LMF1: variants seen among roughly 807,000 people sequenced by gnomAD.
LMF1 encodes lipase maturation factor 1, also known as transmembrane protein 112.
Under a neutral mutation model 60.6 loss-of-function variants are expected in LMF1, and 68 were observed. The observed-to-expected ratio is 1.12, with a 90% confidence interval of 0.92 to 1.37. The LOEUF (loss-of-function observed/expected upper bound fraction) is 1.37. LMF1 is among the 40% of genes most tolerant of loss of function. The pLI, the probability that LMF1 is intolerant of heterozygous loss-of-function variation, is 0.00. For synonymous variants in LMF1, 418 were observed against 324.7 expected, an observed-to-expected ratio of 1.29 and a Z score of -3.09; for missense variants, 948 against 767.2, an observed-to-expected ratio of 1.24 and a Z score of -2.78.
chr16:867,899 CTCCCA>C (rs902069369), intron 10 of LMF1, among the ~76,000 whole-genome samples: 3 of 152,202 alleles, frequency 2.0e-5, no homozygotes, highest in African/African-American at 7.2e-5. Flanking sequence ...CTCGGCGCCC[CTCCCA>C]TCCCCGCCCT....
At chr16:900,714 TGTGTGTG>T (rs2070787178) in intron 4 of LMF1, 1 of 151,210 alleles carries the variant, frequency 6.6e-6, no homozygotes, top group Non-Finnish European at 1.5e-5. Flanking sequence ...TGTGTGTGTG[TGTGTGTG>T]TGTGTGTGTG....
chr16:942,655 C>G (rs577417291), intron 2 of LMF1, among the ~76,000 whole-genome samples: 84 of 139,228 alleles, frequency 6.0e-4, no homozygotes, highest in Non-Finnish European at 1.0e-3. Context: ...TATGTTAGAC[C>G]ACCTGGTGCT....
chr16:940,268 G>A (rs1242444511), intron 2 of LMF1, among the ~76,000 whole-genome samples: 11 of 152,180 alleles, frequency 7.2e-5, no homozygotes, highest in Admixed American at 6.5e-4. Flanking sequence ...AGTGTTTCTT[G>A]TTTGAAGCCT....
intron 2 of LMF1, among the ~76,000 whole-genome samples, chr16:951,969 G>A (rs1188760198): frequency 1.3e-5 from 2 of 152,200 alleles, no homozygotes; most frequent in East Asian, 1.9e-4. Context: ...CATTGCACGT[G>A]GCCCCAGGCC....
At chr16:954,801 C>G (rs2072630580) in intron 1 of LMF1, 135 bp from the exon 2 acceptor site, 4 of 772,972 alleles carry the variant, frequency 5.2e-6, no homozygotes, top group African/African-American at 1.8e-5. Flanking sequence ...GGGCCAAACC[C>G]TAGACTCAGG....
intron 3 of LMF1, chr16:933,906 C>T (rs932604895): frequency 2.0e-5 from 25 of 1,262,870 alleles, no homozygotes; most frequent in South Asian, 9.8e-5. Flanking sequence ...TTCTCTATGC[C>T]GAGGGGCACA....
chr16:913,371 T>C (rs1294744962), intron 3 of LMF1, among the ~76,000 whole-genome samples: 1 of 152,238 alleles, frequency 6.6e-6, no homozygotes, highest in Non-Finnish European at 1.5e-5. Context: ...ACAGACAGCG[T>C]TGGCCCAATC....
intron 10 of LMF1, among the ~76,000 whole-genome samples, chr16:864,495 C>T (rs2069557434): frequency 6.6e-6 from 1 of 152,128 alleles, no homozygotes; most frequent in Non-Finnish European, 1.5e-5. Context: ...GGTGATTTTG[C>T]CCAGTGTAGT....
At chr16:934,931 G>T (rs980490964) in intron 2 of LMF1, among the ~76,000 whole-genome samples, 1 of 152,176 alleles carries the variant, frequency 6.6e-6, no homozygotes, top group African/African-American at 2.4e-5. Flanking sequence ...CTATGGTCCC[G>T]CAAGAGGCGG....
At chr16:875,308 C>T (rs937128223) in intron 6 of LMF1, among the ~76,000 whole-genome samples, 23 of 152,148 alleles carry the variant, frequency 1.5e-4, no homozygotes, top group Admixed American at 6.5e-5. Context: ...AGGGAACCCG[C>T]AGCCTGGCCG....
At chr16:932,150 G>T (rs2071805822) in intron 3 of LMF1, among the ~76,000 whole-genome samples, 1 of 152,240 alleles carries the variant, frequency 6.6e-6, no homozygotes, top group African/African-American at 2.4e-5. Context: ...CACTGCCTCT[G>T]GGAGTCCACT....
intron 1 of LMF1, among the ~76,000 whole-genome samples, chr16:966,227 G>A (rs1458493232): frequency 6.6e-6 from 1 of 152,178 alleles, no homozygotes; most frequent in African/African-American, 2.4e-5. Flanking sequence ...ACCACGGCTC[G>A]TCCACTGGGG....
chr16:976,035 G>GGGGCCTC, intron 1 of LMF1: 1 of 454,092 alleles, frequency 2.2e-6, no homozygotes, highest in Non-Finnish European at 4.4e-6. Flanking sequence ...GAACTCTGAA[G>GGGGCCTC]GTTGAGCTTG....
intron 1 of LMF1, among the ~76,000 whole-genome samples, chr16:966,904 C>A (rs1356643199): frequency 6.6e-6 from 1 of 152,250 alleles, no homozygotes; most frequent in Non-Finnish European, 1.5e-5. Context: ...TACACTGTTT[C>A]CAGATAACAC....
At chr16:958,721 T>A (rs1391464967) in intron 1 of LMF1, among the ~76,000 whole-genome samples, 1 of 152,070 alleles carries the variant, frequency 6.6e-6, no homozygotes, top group Non-Finnish European at 1.5e-5. Context: ...ACCCCGTCTC[T>A]ACTAAAAATA....
chr16:891,248 C>T (rs2070479327), intron 5 of LMF1, among the ~76,000 whole-genome samples: 2 of 152,208 alleles, frequency 1.3e-5, no homozygotes, highest in Admixed American at 6.5e-5. Flanking sequence ...CCCAGAAACA[C>T]CACACCCTGG....
intron 5 of LMF1, among the ~76,000 whole-genome samples, chr16:890,831 C>A (rs2070462122): frequency 6.7e-6 from 1 of 149,548 alleles, no homozygotes; most frequent in South Asian, 2.1e-4. Context: ...GCCCTGCCTG[C>A]AGGCCCTGAC....
At chr16:857,264 C>A (rs1430610967) in intron 10 of LMF1, among the ~76,000 whole-genome samples, 1 of 152,274 alleles carries the variant, frequency 6.6e-6, no homozygotes, top group Non-Finnish European at 1.5e-5. Flanking sequence ...AACTCTCTGG[C>A]TTAAACGTCC....
chr16:955,032 T>TACAC, intron 1 of LMF1, among the ~76,000 whole-genome samples: 1 of 130,454 alleles, frequency 7.7e-6, no homozygotes, highest in Non-Finnish European at 1.6e-5. Flanking sequence ...GGTGTGTGCA[T>TACAC]ACACACACAC....
Sources: gnomAD v4.1 joint callset for allele counts (sites outside exome capture counted in the v4.1 genomes callset) on GRCh38, gnomAD v4.1.1 for gene constraint, MANE v1.5 for transcripts, NCBI Gene and HGNC (gene_info 2026-07-23, HGNC 2026-07-21) for gene names.